SCFD2: variants seen among roughly 807,000 people sequenced by gnomAD.
SCFD2 encodes sec1 family domain-containing protein 2.
Under a neutral mutation model 58.9 loss-of-function variants are expected in SCFD2, and 54 were observed. The observed-to-expected ratio is 0.92, with a 90% CI of 0.74 to 1.15. SCFD2 has a LOEUF of 1.15. SCFD2 is among the 50% of genes most tolerant of loss of function. The probability of loss-of-function intolerance (pLI) is 0.00; values close to 1 mark genes in which losing one functional copy is unlikely to be tolerated. For missense variants in SCFD2, 805 were observed against 836.6 expected, an observed-to-expected ratio of 0.96 and a Z score of 0.47; for synonymous variants, 321 against 335.9, an observed-to-expected ratio of 0.96 and a Z score of 0.49.
At chr4:53,089,123 T>G (rs1009823556) in intron 5 of SCFD2, among the ~76,000 whole-genome samples, 4 of 152,138 alleles carry the variant, frequency 2.6e-5, no homozygotes, top group Admixed American at 1.3e-4. Context: ...TCCAGAACTG[T>G]GAGAAATAAA....
At chr4:53,042,516 A>G (rs557749152) in intron 5 of SCFD2, among the ~76,000 whole-genome samples, 2 of 152,260 alleles carry the variant, frequency 1.3e-5, no homozygotes, top group South Asian at 4.1e-4. Context: ...TATGTACTGG[A>G]CTTCCTGGAA....
At chr4:52,980,467 TTA>T (rs1721351477) in intron 5 of SCFD2, among the ~76,000 whole-genome samples, 1 of 152,188 alleles carries the variant, frequency 6.6e-6, no homozygotes. Context: ...CTGTTGAGCA[TTA>T]TATGAGTTAG....
intron 4 of SCFD2, among the ~76,000 whole-genome samples, chr4:53,160,725 C>T (rs1302242789): frequency 6.6e-6 from 1 of 151,996 alleles, no homozygotes; most frequent in African/African-American, 2.4e-5. Context: ...GAAGAATGCA[C>T]CAAGAAAACT....
chr4:53,310,358 A>G (rs1156440105), intron 3 of SCFD2, among the ~76,000 whole-genome samples: 1 of 152,246 alleles, frequency 6.6e-6, no homozygotes, highest in Non-Finnish European at 1.5e-5. Context: ...GAATATGTCC[A>G]CTTTGTAGAG....
At chr4:53,299,381 G>C (rs528884621) in intron 3 of SCFD2, among the ~76,000 whole-genome samples, 1 of 152,310 alleles carries the variant, frequency 6.6e-6, no homozygotes, top group East Asian at 1.9e-4. Flanking sequence ...GAAGCATGAA[G>C]AGAAGTTTAG....
chr4:53,275,520 G>T (rs1296349484), intron 3 of SCFD2, among the ~76,000 whole-genome samples: 1 of 152,102 alleles, frequency 6.6e-6, no homozygotes, highest in Non-Finnish European at 1.5e-5. Context: ...GTTTATTAAG[G>T]TATTTTCTAC....
At chr4:53,315,981 C>T (rs1241008653) in intron 2 of SCFD2, among the ~76,000 whole-genome samples, 1 of 152,064 alleles carries the variant, frequency 6.6e-6, no homozygotes, top group East Asian at 1.9e-4. Context: ...AATACATGGC[C>T]TCCTAGACCA....
chr4:53,025,656 A>C (rs2148815816), intron 5 of SCFD2, among the ~76,000 whole-genome samples: 1 of 152,286 alleles, frequency 6.6e-6, no homozygotes, highest in East Asian at 1.9e-4. Context: ...AAATGCTAAA[A>C]ATTTGAGTTA....
At chr4:52,926,681 G>A (rs1370154569) in intron 5 of SCFD2, among the ~76,000 whole-genome samples, 1 of 152,118 alleles carries the variant, frequency 6.6e-6, no homozygotes, top group African/African-American at 2.4e-5. Flanking sequence ...GCCTGAGTTT[G>A]AGAACCTCAG....
rs1731103761 is a variant in SCFD2 at position 53,269,783 on chromosome 4, G to C, written c.1311+4043C>G. Among the ~76,000 whole-genome samples, 3 of 152,310 alleles carry C rather than the reference G, an allele frequency of 2.0e-5. No homozygotes were observed. In the South Asian group the frequency reaches 6.2e-4, roughly 32 times the overall value. On this transcript the variant is annotated intron_variant, in intron 4 of 8. Coordinates refer to ENST00000401642, the MANE Select transcript of SCFD2 (RefSeq NM_152540.4). ...GGCTCATGCCTGTAATCCCAACACT[G>C]GGAGGCCAAGGCGGGCAGATCACTA...
chr4:53,348,952 C>T (rs1001352995), intron 2 of SCFD2, among the ~76,000 whole-genome samples: 1 of 152,040 alleles, frequency 6.6e-6, no homozygotes, highest in East Asian at 1.9e-4. Context: ...AACTCCTGAC[C>T]TCAAGTGATC....
chr4:53,073,064 C>G (rs1342319662), intron 5 of SCFD2, among the ~76,000 whole-genome samples: 2 of 152,032 alleles, frequency 1.3e-5, no homozygotes, highest in African/African-American at 4.8e-5. Context: ...AAAATAGTGT[C>G]TGTACTGAAC....
chr4:52,875,500 T>A (rs2109436554), intron 8 of SCFD2, among the ~76,000 whole-genome samples: 1 of 152,176 alleles, frequency 6.6e-6, no homozygotes. Flanking sequence ...ACTACATGGC[T>A]ACGCTCCTTT....
chr4:52,943,272 C>G (rs961431130), intron 5 of SCFD2, among the ~76,000 whole-genome samples: 4 of 150,458 alleles, frequency 2.7e-5, no homozygotes, highest in East Asian at 1.9e-4. Context: ...AAACAAAAAC[C>G]CTGTTAAAGA....
At chr4:53,132,913 T>C (rs960093169) in intron 5 of SCFD2, among the ~76,000 whole-genome samples, 1 of 152,150 alleles carries the variant, frequency 6.6e-6, no homozygotes, top group Admixed American at 6.5e-5. Flanking sequence ...AATATGCAGG[T>C]ATACATATCC....
At chr4:53,171,573 T>C (rs1188980786) in intron 4 of SCFD2, among the ~76,000 whole-genome samples, 1 of 152,236 alleles carries the variant, frequency 6.6e-6, no homozygotes, top group African/African-American at 2.4e-5. Context: ...TTGGGAAGGA[T>C]TGGCATTAGT....
chr4:52,922,069 C>T (rs1719748798), intron 5 of SCFD2, among the ~76,000 whole-genome samples: 1 of 152,138 alleles, frequency 6.6e-6, no homozygotes, highest in Non-Finnish European at 1.5e-5. Flanking sequence ...CGTCTCACCT[C>T]CCTACCTCCT....
intron 7 of SCFD2, among the ~76,000 whole-genome samples, chr4:52,896,058 A>G (rs1719000698): frequency 6.6e-6 from 1 of 152,102 alleles, no homozygotes; most frequent in African/African-American, 2.4e-5. Flanking sequence ...GATTCTGGAT[A>G]TTAGCCCTTT....
intron 1 of SCFD2, among the ~76,000 whole-genome samples, chr4:53,364,521 C>A (rs951784099): frequency 6.6e-6 from 1 of 152,140 alleles, no homozygotes; most frequent in Non-Finnish European, 1.5e-5. Flanking sequence ...TTTACTTAAT[C>A]TTTAATACAA....
Sources: allele counts gnomAD v4.1 joint callset (sites outside exome capture counted in the v4.1 genomes callset), GRCh38; gene constraint gnomAD v4.1.1; transcripts MANE v1.5; gene names NCBI Gene and HGNC (gene_info 2026-07-23, HGNC 2026-07-21).